Variants in DNAH5 observed in about 807,000 individuals in gnomAD.
DNAH5 encodes the protein dynein axonemal heavy chain 5.
Under a neutral mutation model 518.2 loss-of-function variants are expected in DNAH5, and 372 were observed. The observed-to-expected ratio is 0.72, with a 90% CI of 0.66 to 0.78. DNAH5 has a LOEUF of 0.78. DNAH5 is among the 30% of genes least tolerant of loss of function. The probability of loss-of-function intolerance (pLI) is 0.00; values close to 1 mark genes in which losing one functional copy is unlikely to be tolerated. For missense variants in DNAH5, 5,523 were observed against 5,687.0 expected (o/e 0.97, Z 0.93); for synonymous variants, 2,039 against 2,025.9 (o/e 1.01, Z -0.17).
intron 47 of DNAH5, among the ~76,000 whole-genome samples, chr5:13,801,719 G>T (rs540556704): frequency 2.0e-5 from 3 of 152,114 alleles, no homozygotes; most frequent in African/African-American, 7.2e-5. Context: ...AGGACTCCAG[G>T]GGGTTCCTCG....
At chr5:13,944,242 G>A (rs1276890886) in intron 1 of DNAH5, 140 bp downstream of exon 1, 3 of 842,116 alleles carry the variant, frequency 3.6e-6, no homozygotes, top group African/African-American at 1.7e-5. Context: ...TGCACCAGGT[G>A]AACATTAGTT....
intron 6 of DNAH5, among the ~76,000 whole-genome samples, chr5:13,919,890 A>G (rs1257218568): frequency 6.6e-6 from 1 of 152,254 alleles, no homozygotes; most frequent in Non-Finnish European, 1.5e-5. Context: ...AATATACAGT[A>G]TACTGTTGCT....
intron 1 of DNAH5, among the ~76,000 whole-genome samples, chr5:13,972,569 T>C (rs886212802): frequency 3.3e-5 from 5 of 152,132 alleles, no homozygotes; most frequent in Non-Finnish European, 5.9e-5. Context: ...TCATCTCAGC[T>C]CTAGGTAAGG....
intron 1 of DNAH5, among the ~76,000 whole-genome samples, chr5:13,964,267 C>G (rs1229513929): frequency 6.6e-6 from 1 of 152,166 alleles, no homozygotes; most frequent in Non-Finnish European, 1.5e-5. Flanking sequence ...GACTGAGCAC[C>G]TTAGTACCAA....
chr5:13,868,057 T>C, intron 24 of DNAH5, 65 bp from the exon 25 acceptor site: 1 of 1,165,586 alleles, frequency 8.6e-7, no homozygotes, highest in Non-Finnish European at 1.3e-6. Context: ...CACAGCCATT[T>C]ATTAAATGAT....
At chr5:13,729,938 C>T (rs1746258026) in intron 68 of DNAH5, among the ~76,000 whole-genome samples, 1 of 152,184 alleles carries the variant, frequency 6.6e-6, no homozygotes, top group African/African-American at 2.4e-5. Flanking sequence ...GAGGACATGG[C>T]AGAGGGTCAC....
At chr5:13,923,137 C>T in intron 4 of DNAH5, 143 bp downstream of exon 4, 1 of 1,107,122 alleles carries the variant, frequency 9.0e-7, no homozygotes, top group Non-Finnish European at 1.3e-6. Context: ...TAATTTCTTG[C>T]TTTAAATTTT....
At chr5:13,865,999 G>A in intron 26 of DNAH5, 93 bp from the exon 27 acceptor site, 1 of 1,011,336 alleles carries the variant, frequency 9.9e-7, no homozygotes, top group Non-Finnish European at 1.6e-6. Flanking sequence ...GCAAGCCAGA[G>A]ATGTATGATC....
rs761385629 is a variant in DNAH5 at position 13,814,653 on chromosome 5, T to G, written c.7182A>C (p.Gly2394=). The change falls in exon 43 of 79, where the codon GGA becomes GGC. Residue 2394 remains glycine, a synonymous_variant. Coordinates refer to ENST00000265104, the MANE Select transcript of DNAH5 (RefSeq NM_001369.3). ...NASPATVSRN[G]MVFMSSSILD... ...GGATAGAAGAGCTCATGAAAACCATTCCATTTCTTGAGACGGTGGCAGGAG... is the reference window on the plus strand; with the variant it reads ...GGATAGAAGAGCTCATGAAAACCATGCCATTTCTTGAGACGGTGGCAGGAG... 5 of 1,613,996 alleles carry G rather than the reference T, an allele frequency of 3.1e-6. No homozygotes were observed. In the South Asian group the frequency reaches 4.4e-5, roughly 14 times the overall value.
chr5:13,733,650 C>T (rs967840393), intron 68 of DNAH5, among the ~76,000 whole-genome samples: 1 of 152,146 alleles, frequency 6.6e-6, no homozygotes, highest in Admixed American at 6.5e-5. Flanking sequence ...ATAATTTAAT[C>T]ATTTCTAAGT....
intron 33 of DNAH5, among the ~76,000 whole-genome samples, chr5:13,841,443 A>C (rs182306396): frequency 6.6e-6 from 1 of 152,302 alleles, no homozygotes; most frequent in East Asian, 1.9e-4. Context: ...TAGGGAAAAA[A>C]CCGTTTTAAA....
At chr5:13,970,919 C>T (rs1397948688) in intron 1 of DNAH5, among the ~76,000 whole-genome samples, 1 of 152,040 alleles carries the variant, frequency 6.6e-6, no homozygotes, top group Non-Finnish European at 1.5e-5. Flanking sequence ...TTGGGAACAT[C>T]AATTATTCTT....
At chr5:13,842,445 A>AAGAGAGAGAGAGAGAGAGAGAG (rs1765360070) in intron 32 of DNAH5, among the ~76,000 whole-genome samples, 2 of 97,804 alleles carry the variant, frequency 2.0e-5, no homozygotes, top group African/African-American at 9.4e-5. Context: ...GAAAGAAAGA[A>AAGAGAGAGAGAGAGAGAGAGAG]AGAAAGAAAG....
At chr5:13,839,325 T>C (rs1487341112) in intron 35 of DNAH5, 31 bp downstream of exon 35, 4 of 1,608,264 alleles carry the variant, frequency 2.5e-6, no homozygotes, top group Non-Finnish European at 3.4e-6. Flanking sequence ...AGAATAAAAA[T>C]GGTGGGGGTT....
rs1769869683 is a variant in DNAH5, at chr5:13,870,136, C to T, written c.3834+631G>A. Among the ~76,000 whole-genome samples, 4 of 152,206 alleles carry T rather than the reference C, an allele frequency of 2.6e-5. No homozygotes were observed. The South Asian group carries it at 8.3e-4, about 32-fold the overall frequency. Reference sequence around the variant, plus strand: ...CACTGATCAAATTACATAATTTCTTCGACCCTCAGTTTCCTTATGTGAGGA... The same window carrying T: ...CACTGATCAAATTACATAATTTCTTTGACCCTCAGTTTCCTTATGTGAGGA... On this transcript the variant is annotated intron_variant, in intron 24 of 78. Coordinates refer to ENST00000265104, the MANE Select transcript of DNAH5 (RefSeq NM_001369.3).
intron 55 of DNAH5, among the ~76,000 whole-genome samples, chr5:13,772,607 G>A (rs1004070065): frequency 6.6e-5 from 10 of 152,104 alleles, no homozygotes; most frequent in Admixed American, 5.9e-4. Flanking sequence ...ACAACATAAA[G>A]CATATTTTTC....
intron 38 of DNAH5, among the ~76,000 whole-genome samples, chr5:13,825,354 T>A (rs1159903937): frequency 1.3e-5 from 2 of 150,752 alleles, no homozygotes; most frequent in African/African-American, 4.9e-5. Context: ...AAAAAATAAA[T>A]AAATAAATAA....
upstream of DNAH5, among the ~76,000 whole-genome samples, chr5:13,947,491 C>T (rs748735755): frequency 6.6e-6 from 1 of 152,182 alleles, no homozygotes; most frequent in African/African-American, 2.4e-5. Flanking sequence ...TCTCCTAGAT[C>T]CTCATAGGCA....
intron 1 of DNAH5, among the ~76,000 whole-genome samples, chr5:13,987,873 C>A: frequency 6.7e-6 from 1 of 148,412 alleles, no homozygotes; most frequent in South Asian, 2.2e-4. Context: ...CTTGTTTAAT[C>A]TTAAATAAGA....
Sources: gnomAD v4.1 joint callset for allele counts (sites outside exome capture counted in the v4.1 genomes callset) on GRCh38, gnomAD v4.1.1 for gene constraint, MANE v1.5 for transcripts, NCBI Gene and HGNC (gene_info 2026-07-23, HGNC 2026-07-21) for gene names.